CACNA2D3: variants seen among roughly 807,000 people sequenced by gnomAD.
The protein encoded by CACNA2D3 is calcium voltage-gated channel auxiliary subunit alpha2delta 3, also known as voltage-dependent calcium channel subunit alpha-2/delta-3.
CACNA2D3 carries 60 observed loss-of-function variants against 160.6 expected under a neutral mutation model. The ratio of observed to expected loss-of-function variants is 0.37; its 90% CI spans 0.30 to 0.46. The LOEUF (loss-of-function observed/expected upper bound fraction) is 0.46. Among genes scored for constraint, CACNA2D3 ranks in the 20% least tolerant of loss-of-function variants. The probability of loss-of-function intolerance (pLI) is 1.00; values close to 1 mark genes in which losing one functional copy is unlikely to be tolerated. For synonymous variants in CACNA2D3, 558 were observed against 492.9 expected, an observed-to-expected ratio of 1.13 and a Z score of -1.75; for missense variants, 1,205 against 1,365.0, an observed-to-expected ratio of 0.88 and a Z score of 1.85.
At chr3:54,342,109 C>T (rs764022568) in intron 3 of CACNA2D3, among the ~76,000 whole-genome samples, 6 of 152,052 alleles carry the variant, frequency 3.9e-5, no homozygotes, top group Non-Finnish European at 7.4e-5. Flanking sequence ...CTTGAAAGCC[C>T]ATCAATATCT....
At chr3:55,004,425 C>T (rs1315283524) in intron 31 of CACNA2D3, among the ~76,000 whole-genome samples, 1 of 152,184 alleles carries the variant, frequency 6.6e-6, no homozygotes, top group African/African-American at 2.4e-5. Flanking sequence ...TCTTAGAATC[C>T]AGTTCAGAAC....
chr3:54,611,146 A>G (rs529170136), intron 9 of CACNA2D3, among the ~76,000 whole-genome samples: 1 of 152,304 alleles, frequency 6.6e-6, no homozygotes, highest in South Asian at 2.1e-4. Flanking sequence ...GTTTGTGTCA[A>G]AGTCACAACT....
At chr3:54,710,588 C>T (rs521694) in intron 11 of CACNA2D3, among the ~76,000 whole-genome samples, 54,050 of 151,976 alleles carry the variant, frequency 0.36, 10,617 homozygotes, top group East Asian at 0.49. Flanking sequence ...CACATGGACC[C>T]ACCAACATGA....
intron 2 of CACNA2D3, among the ~76,000 whole-genome samples, chr3:54,180,813 A>AAGCC (rs1278916193): frequency 6.6e-6 from 1 of 152,174 alleles, no homozygotes; most frequent in African/African-American, 2.4e-5. Context: ...TGCATGCACT[A>AAGCC]AGCCTGTACT....
chr3:54,278,554 A>G (rs768378688), intron 2 of CACNA2D3, among the ~76,000 whole-genome samples: 4 of 152,212 alleles, frequency 2.6e-5, no homozygotes, highest in Admixed American at 1.3e-4. Flanking sequence ...TTGCAGCACT[A>G]TTCACAATAG....
chr3:54,870,906 A>G (rs1699509234), intron 17 of CACNA2D3, among the ~76,000 whole-genome samples: 1 of 152,158 alleles, frequency 6.6e-6, no homozygotes, highest in Non-Finnish European at 1.5e-5. Context: ...TTCCTAGCTA[A>G]GGAGTACGGG....
At position 54,705,895 on chromosome 3, in the gene CACNA2D3, C is replaced by T. The variant is rs576185612; in HGVS notation, c.1168-46704C>T. Among the ~76,000 whole-genome samples, 4 of 66,008 alleles carry T rather than the reference C, an allele frequency of 6.1e-5. No homozygotes were observed. In the East Asian group the frequency reaches 2.9e-3, roughly 48 times the overall value. The allele number at this position is 66,008 out of a possible 152,430, so 43.3% of individuals were successfully genotyped here. On this transcript the variant is annotated intron_variant, in intron 11 of 37. Coordinates refer to ENST00000474759, the MANE Select transcript of CACNA2D3 (RefSeq NM_018398.3). Reference sequence around the variant, plus strand: ...GACAAGCACTTCAGTGATACTGACTCTCATGCCTCATAAAGTGATGATGGA... The same window carrying T: ...GACAAGCACTTCAGTGATACTGACTTTCATGCCTCATAAAGTGATGATGGA...
intron 14 of CACNA2D3, among the ~76,000 whole-genome samples, chr3:54,830,141 C>T (rs1392268602): frequency 6.6e-6 from 1 of 152,042 alleles, no homozygotes; most frequent in African/African-American, 2.4e-5. Flanking sequence ...GACGGGATTT[C>T]ACCATCTTGG....
chr3:54,144,912 A>G (rs1013369235), intron 2 of CACNA2D3, among the ~76,000 whole-genome samples: 4 of 152,236 alleles, frequency 2.6e-5, no homozygotes, highest in Non-Finnish European at 4.4e-5. Flanking sequence ...TTCATTTAAA[A>G]AACTTCTGCT....
intron 2 of CACNA2D3, among the ~76,000 whole-genome samples, chr3:54,279,651 A>G (rs1702825164): frequency 1.3e-5 from 2 of 152,222 alleles, no homozygotes; most frequent in Non-Finnish European, 2.9e-5. Flanking sequence ...TAGTGCCAGC[A>G]GCCCTGTTGT....
At chr3:54,351,148 A>G (rs1328599002) in intron 3 of CACNA2D3, among the ~76,000 whole-genome samples, 1 of 151,338 alleles carries the variant, frequency 6.6e-6, no homozygotes. Context: ...TGCCCGGCTA[A>G]TTTTTGTACT....
At chr3:54,525,942 G>T (rs909022343) in intron 5 of CACNA2D3, among the ~76,000 whole-genome samples, 8 of 151,456 alleles carry the variant, frequency 5.3e-5, no homozygotes, top group Non-Finnish European at 1.5e-5. Flanking sequence ...TCTTCTCTTT[G>T]TTCTCTCCTT....
chr3:54,983,495 A>G (rs1483633241), intron 29 of CACNA2D3, among the ~76,000 whole-genome samples: 1 of 152,334 alleles, frequency 6.6e-6, no homozygotes, highest in South Asian at 2.1e-4. Flanking sequence ...AGCTGTGAAC[A>G]GGTTACTCAA....
At chr3:55,011,803 T>A (rs1008191876) in intron 34 of CACNA2D3, among the ~76,000 whole-genome samples, 1 of 152,124 alleles carries the variant, frequency 6.6e-6, no homozygotes, top group Non-Finnish European at 1.5e-5. Flanking sequence ...TTTGTTAAAA[T>A]TGCACATGAT....
intron 35 of CACNA2D3, among the ~76,000 whole-genome samples, chr3:55,020,720 G>A (rs573263960): frequency 4.6e-5 from 7 of 151,822 alleles, no homozygotes; most frequent in South Asian, 2.1e-4. Flanking sequence ...GCATGGTGGC[G>A]GGCACCTGTA....
intron 9 of CACNA2D3, among the ~76,000 whole-genome samples, chr3:54,601,718 T>G (rs1459698860): frequency 1.3e-5 from 2 of 152,058 alleles, no homozygotes; most frequent in African/African-American, 4.8e-5. Context: ...GCAATTCTGC[T>G]TGGATTTGTT....
At chr3:54,706,675 A>C (rs749637973) in intron 11 of CACNA2D3, among the ~76,000 whole-genome samples, 1 of 152,180 alleles carries the variant, frequency 6.6e-6, no homozygotes, top group Non-Finnish European at 1.5e-5. Flanking sequence ...ACTGGTTGCC[A>C]AGGCCATTGT....
chr3:54,643,798 TG>T (rs1201210824), intron 11 of CACNA2D3, among the ~76,000 whole-genome samples: 1 of 152,140 alleles, frequency 6.6e-6, no homozygotes, highest in Non-Finnish European at 1.5e-5. Context: ...CCCTGCCAGG[TG>T]GCTGAGTGAC....
At chr3:54,657,070 C>T (rs1379530427) in intron 11 of CACNA2D3, among the ~76,000 whole-genome samples, 2 of 141,676 alleles carry the variant, frequency 1.4e-5, no homozygotes, top group Non-Finnish European at 3.0e-5. Context: ...GGGTTGTTCT[C>T]TGGCGGGCAG....
Sources: gnomAD v4.1 joint callset for allele counts (sites outside exome capture counted in the v4.1 genomes callset) on GRCh38, gnomAD v4.1.1 for gene constraint, MANE v1.5 for transcripts, NCBI Gene and HGNC (gene_info 2026-07-23, HGNC 2026-07-21) for gene names.